Variants in NT5C2 observed in about 807,000 individuals in gnomAD.
The protein encoded by NT5C2 is cytosolic purine 5'-nucleotidase.
NT5C2 carries 58 observed loss-of-function variants against 76.1 expected under a neutral mutation model. The ratio of observed to expected loss-of-function variants is 0.76; its 90% CI spans 0.62 to 0.95. The LOEUF (loss-of-function observed/expected upper bound fraction) is 0.95, where lower values mean the gene tolerates loss of function less well. NT5C2 is among the 40% of genes least tolerant of loss of function. NT5C2 has a pLI of 0.00. For missense variants in NT5C2, 478 were observed against 690.3 expected, an observed-to-expected ratio of 0.69 and a Z score of 3.45; for synonymous variants, 229 against 237.4, an observed-to-expected ratio of 0.96 and a Z score of 0.32.
rs1473918831 is a variant in NT5C2, at chr10:103,094,446, A to G, written c.823T>C (p.Ser275Pro). The G allele has an allele frequency of 6.2e-7, 1 of 1,608,572 alleles. No homozygotes were observed. The highest frequency in any genetic ancestry group is 8.5e-7 in the Non-Finnish European group (1 of 1,175,142). Residue 275 changes from serine to proline, a missense_variant, in exon 13 of 19, where the codon TCC (serine) becomes CCC (proline). By Grantham distance (74) the Ser-to-Pro change is moderately conservative (BLOSUM62 -1). Transcript: ENST00000404739. ...DFPHGPKPGS[S>P]HRPWQSYFDL... ...AAGTAGGACTGCCATGGTCGATGGGAGCTCCCAGGCTGGTGAAGGAGAAAC... is the reference window on the plus strand; with the variant it reads ...AAGTAGGACTGCCATGGTCGATGGGGGCTCCCAGGCTGGTGAAGGAGAAAC...
At chr10:103,168,404 A>G (rs1228369007) in intron 3 of NT5C2, among the ~76,000 whole-genome samples, 1 of 152,244 alleles carries the variant, frequency 6.6e-6, no homozygotes, top group Non-Finnish European at 1.5e-5. Flanking sequence ...TATCCTGGGC[A>G]CAGTCAATGT....
At chr10:103,130,175 T>C (rs2077843777) in intron 4 of NT5C2, among the ~76,000 whole-genome samples, 1 of 151,652 alleles carries the variant, frequency 6.6e-6, no homozygotes. Context: ...TAGAAAGAAG[T>C]AGACATGGGA....
intron 3 of NT5C2, among the ~76,000 whole-genome samples, chr10:103,150,806 G>A (rs1019590340): frequency 6.6e-6 from 1 of 152,128 alleles, no homozygotes; most frequent in African/African-American, 2.4e-5. Context: ...AAACTGGGCT[G>A]TCTTATTATT....
intron 10 of NT5C2, chr10:103,098,411 T>C (rs1024453229): frequency 9.5e-6 from 2 of 210,556 alleles, no homozygotes; most frequent in Admixed American, 6.0e-5. Context: ...CAGTAACATA[T>C]ATGCACATTT....
chr10:103,142,434 T>C (rs966635634), intron 3 of NT5C2, among the ~76,000 whole-genome samples: 2 of 151,960 alleles, frequency 1.3e-5, no homozygotes, highest in African/African-American at 4.8e-5. Flanking sequence ...CCCAGTACTT[T>C]ACAAGGCAGG....
At position 103,181,699 on chromosome 10, in the gene NT5C2, T is replaced by TA. The variant is rs2091105082; in HGVS notation, c.-168-372dup. Among the ~76,000 whole-genome samples, 3 of 152,042 alleles carry TA rather than the reference T, an allele frequency of 2.0e-5. No individual in the cohort carries two copies. In the South Asian group the frequency reaches 6.2e-4, roughly 31 times the overall value. On this transcript the variant is annotated intron_variant, in intron 1 of 18. Coordinates refer to ENST00000404739, the MANE Select transcript of NT5C2 (RefSeq NM_001351169.2). ...GTAATATTCTTCACGCCCAAACTGA[T>TA]AAAAGTATAAAAATAGCAGTAAAGG...
chr10:103,182,705 G>T (rs925349116), intron 1 of NT5C2, among the ~76,000 whole-genome samples: 4 of 151,626 alleles, frequency 2.6e-5, no homozygotes, highest in African/African-American at 9.7e-5. Flanking sequence ...TAAGAACACT[G>T]CCCTAAAACT....
chr10:103,154,371 G>C (rs1046329380), intron 3 of NT5C2, among the ~76,000 whole-genome samples: 2 of 151,768 alleles, frequency 1.3e-5, no homozygotes, highest in Non-Finnish European at 2.9e-5. Context: ...GTAATTAAAA[G>C]CACTACTAAA....
At chr10:103,101,507 A>T (rs2069647695) in intron 6 of NT5C2, among the ~76,000 whole-genome samples, 181 bp from the exon 7 acceptor site, 1 of 140,140 alleles carries the variant, frequency 7.1e-6, no homozygotes, top group African/African-American at 2.6e-5. Context: ...TATTTTTTTT[A>T]ATTTTAATTT....
chr10:103,162,226 G>C (rs564172788), intron 3 of NT5C2, among the ~76,000 whole-genome samples: 3 of 152,136 alleles, frequency 2.0e-5, no homozygotes, highest in South Asian at 4.2e-4. Context: ...ATGTTGGCCA[G>C]GATGGTCTCG....
At chr10:103,099,770 A>C (rs1006554029) in intron 9 of NT5C2, among the ~76,000 whole-genome samples, 156 bp downstream of exon 9, 1 of 152,214 alleles carries the variant, frequency 6.6e-6, no homozygotes, top group African/African-American at 2.4e-5. Context: ...ACCAAAGACA[A>C]GAACAAATGT....
chr10:103,149,878 CACTTTA>C (rs2082109355), intron 3 of NT5C2, among the ~76,000 whole-genome samples: 2 of 145,728 alleles, frequency 1.4e-5, no homozygotes. Flanking sequence ...AAAAAAAAAG[CACTTTA>C]ACAACTCCAG....
rs1259464220 is a variant in NT5C2, at chr10:103,140,207, CCG to C, written c.102-730_102-729del. 2.6e-5 allele frequency: 4 copies of C among 152,232 alleles called. No homozygotes were observed. The East Asian group carries it at 7.7e-4, about 29-fold the overall frequency. 9.4% of individuals were successfully genotyped at this position (152,232 alleles called of 1,614,324 possible). Reference sequence around the variant, plus strand: ...GTCCTGGGATTACAGGCATGATCCACCGCGCCTGGCCTCCAATCACTGCTTTG... The same window carrying C: ...GTCCTGGGATTACAGGCATGATCCACCGCCTGGCCTCCAATCACTGCTTTG... On this transcript the variant is annotated intron_variant, in intron 3 of 18. Transcript: ENST00000404739.
chr10:103,132,548 T>C (rs187145255), intron 4 of NT5C2, among the ~76,000 whole-genome samples: 1 of 152,202 alleles, frequency 6.6e-6, no homozygotes, highest in Non-Finnish European at 1.5e-5. Flanking sequence ...TCTAAAGTAA[T>C]TTCTTTTTTT....
intron 3 of NT5C2, among the ~76,000 whole-genome samples, chr10:103,174,164 C>T (rs11191591): frequency 0.32 from 48,095 of 151,020 alleles, 7,734 homozygotes; most frequent in Middle Eastern, 0.37. Flanking sequence ...CCCAGCACTT[C>T]GGGAGGCTGA....
chr10:103,170,506 C>CAAGCACACACACAT (rs2087656613), intron 3 of NT5C2, among the ~76,000 whole-genome samples: 1 of 150,128 alleles, frequency 6.7e-6, no homozygotes, highest in African/African-American at 2.4e-5. Context: ...TACACACACA[C>CAAGCACACACACAT]AAGCACACAC....
chr10:103,130,243 C>CTGTG (rs2077864259), intron 4 of NT5C2, among the ~76,000 whole-genome samples: 1 of 151,642 alleles, frequency 6.6e-6, no homozygotes, highest in South Asian at 2.1e-4. Context: ...TCCTGTTGAT[C>CTGTG]TGTGACCTTA....
At chr10:103,098,675 A>C (rs943183796) in intron 10 of NT5C2, 1 of 415,748 alleles carries the variant, frequency 2.4e-6, no homozygotes, top group Non-Finnish European at 4.3e-6. Flanking sequence ...TAAGCGAACA[A>C]ATGCAATACT....
intron 4 of NT5C2, among the ~76,000 whole-genome samples, chr10:103,123,542 C>A (rs2076101917): frequency 6.6e-6 from 1 of 152,096 alleles, no homozygotes; most frequent in East Asian, 1.9e-4. Context: ...TGCTAGTAAT[C>A]CCTACCTCAG....
Sources: gnomAD v4.1 joint callset for allele counts (sites outside exome capture counted in the v4.1 genomes callset) on GRCh38, gnomAD v4.1.1 for gene constraint, MANE v1.5 for transcripts, NCBI Gene and HGNC (gene_info 2026-07-23, HGNC 2026-07-21) for gene names.